Variants in DPP10 observed in about 807,000 individuals in gnomAD.
The protein encoded by DPP10 is inactive dipeptidyl peptidase 10.
DPP10 carries 33 observed loss-of-function variants against 120.9 expected under a neutral mutation model. That is an observed-to-expected ratio of 0.27 (90% CI 0.21 to 0.37). The LOEUF (loss-of-function observed/expected upper bound fraction) is 0.37, where lower values mean the gene tolerates loss of function less well. Among genes scored for constraint, DPP10 ranks in the 10% least tolerant of loss-of-function variants. The pLI, the probability that DPP10 is intolerant of heterozygous loss-of-function variation, is 1.00. For missense variants in DPP10, 816 were observed against 942.8 expected (o/e 0.87, Z 1.76); for synonymous variants, 337 against 326.1 (o/e 1.03, Z -0.36).
chr2:114,467,821 A>T (rs1170589790), intron 1 of DPP10, among the ~76,000 whole-genome samples: 1 of 151,490 alleles, frequency 6.6e-6, no homozygotes, highest in Admixed American at 6.6e-5. Context: ...CAACACAGAG[A>T]GACCCCATCT....
chr2:115,552,883 T>A (rs963293001), intron 5 of DPP10, among the ~76,000 whole-genome samples: 1 of 152,066 alleles, frequency 6.6e-6, no homozygotes, highest in Non-Finnish European at 1.5e-5. Flanking sequence ...CTTCATTCTT[T>A]GATTTTAGAC....
intron 3 of DPP10, among the ~76,000 whole-genome samples, chr2:115,347,402 C>T (rs931445584): frequency 2.6e-5 from 4 of 152,140 alleles, no homozygotes; most frequent in Admixed American, 2.0e-4. Flanking sequence ...TTCCTTGTGA[C>T]AGCTCCTACA....
intron 1 of DPP10, among the ~76,000 whole-genome samples, chr2:114,803,458 A>G (rs113161630): frequency 0.012 from 1,792 of 152,294 alleles, 37 homozygotes; most frequent in African/African-American, 0.027. Flanking sequence ...AAGAAGAGAG[A>G]AAAATGTGGG....
At chr2:115,483,266 A>G (rs2075550791) in intron 3 of DPP10, among the ~76,000 whole-genome samples, 1 of 152,120 alleles carries the variant, frequency 6.6e-6, no homozygotes, top group Non-Finnish European at 1.5e-5. Flanking sequence ...CTTATTTTGG[A>G]CATGTAGGAT....
intron 8 of DPP10, 58 bp from the exon 9 acceptor site, chr2:115,739,681 G>T: frequency 1.3e-6 from 2 of 1,552,952 alleles, no homozygotes; most frequent in Non-Finnish European, 1.8e-6. Context: ...ACAGATGTTT[G>T]TGGGTCACTG....
At chr2:115,007,255 C>A (rs1346946430) in intron 1 of DPP10, among the ~76,000 whole-genome samples, 1 of 152,164 alleles carries the variant, frequency 6.6e-6, no homozygotes, top group Non-Finnish European at 1.5e-5. Context: ...CCCTGGGATG[C>A]AAGCCTGGTT....
intron 2 of DPP10, among the ~76,000 whole-genome samples, chr2:115,333,619 G>T (rs1253370498): frequency 2.0e-5 from 3 of 152,144 alleles, no homozygotes; most frequent in Non-Finnish European, 2.9e-5. Context: ...GGCAGGCCTG[G>T]TGGTGACAAA....
intron 4 of DPP10, among the ~76,000 whole-genome samples, chr2:115,519,113 A>C (rs1437819674): frequency 6.6e-6 from 1 of 152,138 alleles, no homozygotes; most frequent in Non-Finnish European, 1.5e-5. Context: ...ATGACTCTCA[A>C]ATTCACCTTT....
intron 1 of DPP10, among the ~76,000 whole-genome samples, chr2:115,302,272 GAT>G (rs2061173767): frequency 6.6e-6 from 1 of 151,982 alleles, no homozygotes. Flanking sequence ...TCTCCACCAT[GAT>G]ATTTTGGTAG....
At chr2:115,141,705 G>T (rs1183620979) in intron 1 of DPP10, among the ~76,000 whole-genome samples, 2 of 152,168 alleles carry the variant, frequency 1.3e-5, no homozygotes, top group Non-Finnish European at 2.9e-5. Flanking sequence ...TTATATACAG[G>T]TGTATTCTAT....
chr2:115,536,657 T>G (rs1287967495), intron 5 of DPP10, among the ~76,000 whole-genome samples: 3 of 152,008 alleles, frequency 2.0e-5, no homozygotes, highest in African/African-American at 2.4e-5. Context: ...TATGATGCTA[T>G]TTTATAGGAC....
chr2:115,699,062 C>T (rs1575554997), intron 7 of DPP10, among the ~76,000 whole-genome samples: 1 of 101,152 alleles, frequency 9.9e-6, no homozygotes. Flanking sequence ...AGAGAAGACT[C>T]AAATTCCTAA....
chr2:114,467,183 T>C (rs546931392), intron 1 of DPP10, among the ~76,000 whole-genome samples: 1 of 152,330 alleles, frequency 6.6e-6, no homozygotes, highest in Admixed American at 6.5e-5. Flanking sequence ...ATTAAAATAG[T>C]AAGTGGTAAG....
intron 1 of DPP10, among the ~76,000 whole-genome samples, chr2:114,515,889 G>A (rs1413555321): frequency 6.6e-6 from 1 of 151,670 alleles, no homozygotes; most frequent in East Asian, 1.9e-4. Flanking sequence ...CTTAGCGCTG[G>A]TGCTAAGGTT....
At chr2:115,666,706 T>A (rs1480014425) in intron 5 of DPP10, among the ~76,000 whole-genome samples, 1 of 152,134 alleles carries the variant, frequency 6.6e-6, no homozygotes, top group Non-Finnish European at 1.5e-5. Context: ...GGGAATAGTG[T>A]TGTGATGAAC....
chr2:114,801,273 A>AAAAAAAAAAAAAAAAAAG (rs1278761461), intron 1 of DPP10, among the ~76,000 whole-genome samples: 7 of 77,810 alleles, frequency 9.0e-5, no homozygotes, highest in African/African-American at 2.2e-4. Flanking sequence ...AAAAAAAAAA[A>AAAAAAAAAAAAAAAAAAG]AAAAAAGAAA....
At chr2:114,823,344 C>T (rs1686256503) in intron 1 of DPP10, among the ~76,000 whole-genome samples, 1 of 152,056 alleles carries the variant, frequency 6.6e-6, no homozygotes, top group African/African-American at 2.4e-5. Flanking sequence ...GAACCACCCC[C>T]ATAATCTAAT....
At chr2:115,590,753 G>A (rs138714461) in intron 5 of DPP10, among the ~76,000 whole-genome samples, 2,832 of 152,228 alleles carry the variant, frequency 0.019, 95 homozygotes, top group African/African-American at 0.064. Context: ...ACTGTCTTCC[G>A]CAATGGTTGA....
chr2:114,725,141 A>T (rs1701961846), intron 1 of DPP10, among the ~76,000 whole-genome samples: 1 of 152,126 alleles, frequency 6.6e-6, no homozygotes, highest in Non-Finnish European at 1.5e-5. Flanking sequence ...AGCACTTCCC[A>T]GGGCAACTTG....
Sources: allele counts gnomAD v4.1 joint callset (sites outside exome capture counted in the v4.1 genomes callset), GRCh38; gene constraint gnomAD v4.1.1; transcripts MANE v1.5; gene names NCBI Gene and HGNC (gene_info 2026-07-23, HGNC 2026-07-21).